The following GLP1R variants were observed in gnomAD, a reference collection of about 807,000 sequenced individuals.
GLP1R encodes the protein glucagon like peptide 1 receptor.
Under a neutral mutation model 68.4 loss-of-function variants are expected in GLP1R, and 32 were observed. That is an observed-to-expected ratio of 0.47 (90% CI 0.35 to 0.63). GLP1R has a LOEUF of 0.63. Ranked by LOEUF, GLP1R falls within the 20% of genes least tolerant of loss-of-function variation. GLP1R has a pLI of 0.00. For synonymous variants in GLP1R, 263 were observed against 244.4 expected, an observed-to-expected ratio of 1.08 and a Z score of -0.71; for missense variants, 502 against 594.9, an observed-to-expected ratio of 0.84 and a Z score of 1.62.
chr6:39,077,693 G>A (rs1583644881), intron 7 of GLP1R, among the ~76,000 whole-genome samples: 2 of 152,122 alleles, frequency 1.3e-5, no homozygotes, highest in Non-Finnish European at 2.9e-5. Context: ...CTTAGAGGCT[G>A]TCTACTACAC....
chr6:39,066,352 C>A, intron 5 of GLP1R, 49 bp downstream of exon 5: 1 of 983,768 alleles, frequency 1.0e-6, no homozygotes, highest in Non-Finnish European at 1.6e-6. Context: ...CTAACTCCCC[C>A]AGATAGAGGA....
At chr6:39,053,516 C>G (rs1768136636) in intron 1 of GLP1R, among the ~76,000 whole-genome samples, 1 of 152,210 alleles carries the variant, frequency 6.6e-6, no homozygotes, top group African/African-American at 2.4e-5. Context: ...AGCCTGGTCA[C>G]TCCCTCCCAC....
chr6:39,074,654 G>A (rs1768766873), intron 7 of GLP1R, among the ~76,000 whole-genome samples: 2 of 152,052 alleles, frequency 1.3e-5, no homozygotes, highest in African/African-American at 2.4e-5. Flanking sequence ...CTCTGACCAC[G>A]GCTGCCCCTG....
At chr6:39,052,479 T>C (rs935232574) in intron 1 of GLP1R, among the ~76,000 whole-genome samples, 10 of 152,202 alleles carry the variant, frequency 6.6e-5, no homozygotes, top group Admixed American at 5.2e-4. Context: ...CCTTCCTGCA[T>C]GTCTCCCACC....
chr6:39,066,520 T>G lies in GLP1R; in HGVS notation c.509+217T>G, dbSNP rs770109164. On this transcript the variant is annotated intron_variant, in intron 5 of 12. Transcript: ENST00000373256. ...TCTCCACGGTGTAAAAGTGTGCGTA[T>G]GTACTGCAAAAAAGAACAAAAATAC... is the stretch of plus-strand genomic sequence containing the variant. Among the ~76,000 whole-genome samples, 9 of 152,312 alleles carry G rather than the reference T, an allele frequency of 5.9e-5. No homozygotes were observed. In the East Asian group the frequency reaches 1.3e-3, roughly 23 times the overall value.
rs200173336 is a variant in GLP1R at position 39,086,174 on chromosome 6, C to A, written c.*101C>A. ...GGACAAGGGAAGGAAGGGACACACA[C>A]ACACACACACACACACACACACACA... is the stretch of plus-strand genomic sequence containing the variant. On this transcript the variant is annotated 3_prime_UTR_variant, in exon 13 of 13. Coordinates refer to ENST00000373256, the MANE Select transcript of GLP1R (RefSeq NM_002062.5). This position sits in a 1 kb window ranked among gnomAD's most constrained non-coding sequence, Gnocchi z 4.5. 1.9e-6 allele frequency: 1 copy of A among 513,622 alleles called. No homozygotes were observed. The highest frequency in any genetic ancestry group is 3.3e-6 in the Non-Finnish European group (1 of 303,114). 31.8% of individuals were successfully genotyped at this position (513,622 alleles called of 1,614,324 possible).
intron 7 of GLP1R, among the ~76,000 whole-genome samples, chr6:39,074,796 G>C (rs1021748519): frequency 6.6e-6 from 1 of 152,094 alleles, no homozygotes; most frequent in African/African-American, 2.4e-5. Flanking sequence ...CCCACACCAG[G>C]GTGTCCGCTG....
rs1485302982 is a variant in GLP1R at position 39,057,556 on chromosome 6, G to C, written c.260G>C (p.Trp87Ser). ...TCGTTCGTGAATGTCAGCTGCCCCTGGTACCTGCCCTGGGCCAGCAGTGGT... is the reference window on the plus strand; with the variant it reads ...TCGTTCGTGAATGTCAGCTGCCCCTCGTACCTGCCCTGGGCCAGCAGTGGT... ...PGSFVNVSCP[W>S]YLPWASSVPQ... Residue 87 changes from tryptophan (W) to serine (S), a missense_variant, in exon 3 of 13, where the codon TGG (tryptophan) becomes TCG (serine). By Grantham distance (177) the Trp-to-Ser change is radical (BLOSUM62 -3). Transcript: ENST00000373256. 6.2e-7 allele frequency: 1 copy of C among 1,609,200 alleles called. No individual in the cohort carries two copies. The highest frequency in any genetic ancestry group is 1.7e-5 in the Admixed American group (1 of 59,792).
At chr6:39,077,767 G>A (rs994493085) in intron 7 of GLP1R, among the ~76,000 whole-genome samples, 2 of 152,258 alleles carry the variant, frequency 1.3e-5, no homozygotes, top group East Asian at 1.9e-4. Context: ...AGGCCACTGC[G>A]GACAGTTAGT....
chr6:39,055,460 T>G (rs1768188884), intron 1 of GLP1R, among the ~76,000 whole-genome samples: 1 of 151,886 alleles, frequency 6.6e-6, no homozygotes, highest in African/African-American at 2.4e-5. Flanking sequence ...ACAAAAACAC[T>G]CAGAAGGAAT....
At chr6:39,065,302 G>A (rs910168) in intron 3 of GLP1R, among the ~76,000 whole-genome samples, 14,501 of 152,228 alleles carry the variant, frequency 0.095, 1,185 homozygotes, top group African/African-American at 0.22. Context: ...TGACTGCGGG[G>A]CAGGCACGGC....
At chr6:39,082,246 A>G (rs1769026625) in intron 12 of GLP1R, among the ~76,000 whole-genome samples, 2 of 152,226 alleles carry the variant, frequency 1.3e-5, no homozygotes, top group South Asian at 4.1e-4. Context: ...GGTTTACTGC[A>G]TATAAGGTGC....
Position 39,086,118 on chromosome 6 carries a change from T to A in GLP1R, c.*45T>A. 6.4e-7 allele frequency: 1 copy of A among 1,574,646 alleles called. No individual in the cohort carries two copies. The highest frequency in any genetic ancestry group is 2.2e-5 in the East Asian group (1 of 44,518). ...CCTGGGGTCCTTGCTGCAGGCCGGG[T>A]GGCCAATCCAGGTGGGAGAGACACT... On this transcript the variant is annotated 3_prime_UTR_variant, in exon 13 of 13. Coordinates refer to ENST00000373256, the MANE Select transcript of GLP1R (RefSeq NM_002062.5). This position sits in a 1 kb window ranked among gnomAD's most constrained non-coding sequence, Gnocchi z 4.5.
Position 39,053,281 on chromosome 6 carries a change from G to C in GLP1R, c.79-3116G>C, listed in dbSNP as rs576824808. 1.2e-3 allele frequency among the ~76,000 whole-genome samples: 190 copies of C among 152,310 alleles called. 1 individual carries two copies. The highest frequency in any genetic ancestry group is 4.5e-3 in the African/African-American group (185 of 41,566). On this transcript the variant is annotated intron_variant, in intron 1 of 12. Transcript: ENST00000373256. ...ACTTATGTTGTGGGAGGATGAAATGGAGGAGTGGGGGACACTGGTGGGCAG... is the reference window on the plus strand; with the variant it reads ...ACTTATGTTGTGGGAGGATGAAATGCAGGAGTGGGGGACACTGGTGGGCAG...
chr6:39,055,371 C>A (rs553255399), intron 1 of GLP1R, among the ~76,000 whole-genome samples: 2 of 152,212 alleles, frequency 1.3e-5, no homozygotes, highest in East Asian at 3.9e-4. Context: ...CTCTGAAGGA[C>A]GAATATTTAT....
intron 12 of GLP1R, among the ~76,000 whole-genome samples, chr6:39,083,833 C>T (rs1300360333): frequency 6.6e-6 from 1 of 152,132 alleles, no homozygotes; most frequent in Admixed American, 6.5e-5. Context: ...AGTCCCAGCC[C>T]AGGTGCTCAG....
intron 5 of GLP1R, among the ~76,000 whole-genome samples, chr6:39,072,052 A>AT (rs1019791913): frequency 1.3e-5 from 2 of 152,334 alleles, no homozygotes; most frequent in African/African-American, 4.8e-5. Flanking sequence ...TTACTTTTAA[A>AT]TTTTTTTAAC....
chr6:39,071,380 G>C (rs1223628881), intron 5 of GLP1R, among the ~76,000 whole-genome samples: 2 of 143,538 alleles, frequency 1.4e-5, no homozygotes, highest in African/African-American at 2.6e-5. Flanking sequence ...AAGAAAGAAA[G>C]AAAAAGAAAT....
intron 5 of GLP1R, among the ~76,000 whole-genome samples, chr6:39,070,646 C>A (rs1301727751): frequency 6.6e-6 from 1 of 152,234 alleles, no homozygotes; most frequent in Non-Finnish European, 1.5e-5. Context: ...TGTTGCTAAC[C>A]TGAAGTATGT....
Sources: gnomAD v4.1 joint callset for allele counts (sites outside exome capture counted in the v4.1 genomes callset) on GRCh38, gnomAD v4.1.1 for gene constraint, Gnocchi (gnomAD v3.1) non-coding constraint, MANE v1.5 for transcripts, NCBI Gene and HGNC (gene_info 2026-07-23, HGNC 2026-07-21) for gene names.